The following RDH13 variants were observed in gnomAD, a reference collection of about 807,000 sequenced individuals.
RDH13 encodes the protein retinol dehydrogenase 13 (all-trans and 9-cis).
RDH13 carries 35 observed loss-of-function variants against 28.3 expected under a neutral mutation model. The ratio of observed to expected loss-of-function variants is 1.24; its 90% CI spans 0.95 to 1.64. The LOEUF is 1.64. Ranked by LOEUF, RDH13 falls within the 40% of genes most tolerant of loss-of-function variation. The pLI is 0.00. For synonymous variants in RDH13, 229 were observed against 198.5 expected (o/e 1.15, Z -1.29); for missense variants, 514 against 446.3 (o/e 1.15, Z -1.37).
intron 1 of RDH13, among the ~76,000 whole-genome samples, chr19:55,061,942 A>G (rs994972299): frequency 2.0e-5 from 3 of 152,022 alleles, no homozygotes; most frequent in African/African-American, 7.2e-5. Context: ...ACATGGAGAA[A>G]CCTCGTCTCT....
chr19:55,053,007 C>A (rs187801425), intron 3 of RDH13, among the ~76,000 whole-genome samples: 1 of 152,202 alleles, frequency 6.6e-6, no homozygotes, highest in East Asian at 1.9e-4. Flanking sequence ...CTATGTTGCC[C>A]AGGCTGATCT....
chr19:55,043,691 G>A (rs1022798185), downstream of RDH13, among the ~76,000 whole-genome samples: 7 of 152,058 alleles, frequency 4.6e-5, no homozygotes, highest in African/African-American at 1.7e-4. Context: ...GTGGGATATT[G>A]AGTAGCATCC....
At chr19:55,065,213 T>C (rs571672981), upstream of RDH13, among the ~76,000 whole-genome samples, 2 of 151,062 alleles carry the variant, frequency 1.3e-5, no homozygotes, top group South Asian at 4.2e-4. Context: ...GGCAAAACCT[T>C]ATCTCTACAA....
upstream of RDH13, chr19:55,064,141 G>A (rs2075895958): frequency 6.6e-6 from 1 of 152,260 alleles, no homozygotes; most frequent in Non-Finnish European, 1.5e-5. Flanking sequence ...CTTAGTCAAT[G>A]GCCGGGCACG....
At chr19:55,048,838 CTGT>C in intron 3 of RDH13, 75 bp from the exon 4 acceptor site, 1 of 1,276,372 alleles carries the variant, frequency 7.8e-7, no homozygotes, top group Middle Eastern at 1.8e-4. Flanking sequence ...AGAAACACTC[CTGT>C]GCTCCCACAA....
intron 1 of RDH13, among the ~76,000 whole-genome samples, chr19:55,061,671 A>T (rs1391656437): frequency 6.6e-6 from 1 of 151,940 alleles, no homozygotes. Flanking sequence ...GCACGCCTGT[A>T]GAGTCAGCTA....
At chr19:55,048,890 C>T (rs1198046854) in intron 3 of RDH13, 127 bp from the exon 4 acceptor site, 7 of 814,610 alleles carry the variant, frequency 8.6e-6, no homozygotes, top group African/African-American at 3.4e-5. Flanking sequence ...GGGTCTGTGC[C>T]GAAGTGGCCA....
chr19:55,042,279 T>G (rs1654439), downstream of RDH13: 128,186 of 152,104 alleles, frequency 0.84, 54,134 homozygotes, highest in East Asian at 0.98. Context: ...GCACTCCGGT[T>G]TATCAGGGAC....
intron 3 of RDH13, among the ~76,000 whole-genome samples, chr19:55,049,092 T>A (rs957111681): frequency 6.6e-6 from 1 of 151,992 alleles, no homozygotes; most frequent in African/African-American, 2.4e-5. Flanking sequence ...TTATGGCCCG[T>A]CTCACAGGTC....
intron 3 of RDH13, among the ~76,000 whole-genome samples, chr19:55,052,063 C>CTTTTTTTTT (rs111427426): frequency 8.3e-6 from 1 of 120,734 alleles, no homozygotes; most frequent in Non-Finnish European, 1.7e-5. Flanking sequence ...ACTGCCTCAA[C>CTTTTTTTTT]TTTTTTTTTT....
intron 3 of RDH13, among the ~76,000 whole-genome samples, chr19:55,051,537 T>TCTGTTGC (rs1555821206): frequency 6.6e-6 from 1 of 150,582 alleles, no homozygotes; most frequent in African/African-American, 2.4e-5. Context: ...TTCAGGCGAT[T>TCTGTTGC]CTGCTGCCTC....
At chr19:55,062,887 G>C in intron 1 of RDH13, 81 bp downstream of exon 1, 1 of 1,222,408 alleles carries the variant, frequency 8.2e-7, no homozygotes, top group Non-Finnish European at 1.1e-6. Flanking sequence ...CGGGTGCGAG[G>C]GGCGGGGGTC....
intron 2 of RDH13, among the ~76,000 whole-genome samples, chr19:55,057,183 T>G (rs1457145621): frequency 6.6e-6 from 1 of 152,124 alleles, no homozygotes; most frequent in Non-Finnish European, 1.5e-5. Flanking sequence ...ACGCCCAGAA[T>G]AGGCAAATCC....
chr19:55,066,454 C>CT (rs2075960897), upstream of RDH13, among the ~76,000 whole-genome samples: 4 of 101,960 alleles, frequency 3.9e-5, no homozygotes, highest in African/African-American at 1.3e-4. Flanking sequence ...CCTCTCTCTC[C>CT]CTCTCTCTTC....
At chr19:55,061,230 C>T (rs571092578) in intron 1 of RDH13, among the ~76,000 whole-genome samples, 5 of 152,276 alleles carry the variant, frequency 3.3e-5, no homozygotes, top group African/African-American at 1.2e-4. Flanking sequence ...CAGGTTCAAG[C>T]GATTCTCCTG....
At chr19:55,058,160 C>G (rs893286809) in intron 2 of RDH13, among the ~76,000 whole-genome samples, 2 of 151,926 alleles carry the variant, frequency 1.3e-5, no homozygotes, top group Non-Finnish European at 2.9e-5. Flanking sequence ...ACCTGTAATC[C>G]CAGCACTTTG....
At chr19:55,058,302 T>G (rs145692399) in intron 2 of RDH13, among the ~76,000 whole-genome samples, 1 of 151,262 alleles carries the variant, frequency 6.6e-6, no homozygotes, top group Admixed American at 6.6e-5. Context: ...GCAGGAGAAT[T>G]GCTTGAACCC....
At chr19:55,054,055 TATGAATGA>T (rs943312490) in intron 3 of RDH13, 14 of 152,136 alleles carry the variant, frequency 9.2e-5, no homozygotes, top group African/African-American at 3.4e-4. Context: ...AGGGGCTCAG[TATGAATGA>T]ATGAATGAAC....
chr19:55,059,567 G>A (rs1428141770), intron 1 of RDH13, among the ~76,000 whole-genome samples: 1 of 145,908 alleles, frequency 6.9e-6, no homozygotes, highest in Admixed American at 6.8e-5. Flanking sequence ...AGCACTTTGG[G>A]AGGCCAAAGT....
Sources: allele counts gnomAD v4.1 joint callset (sites outside exome capture counted in the v4.1 genomes callset), GRCh38; gene constraint gnomAD v4.1.1; transcripts MANE v1.5; gene names NCBI Gene and HGNC (gene_info 2026-07-23, HGNC 2026-07-21).